The following IFT52 variants were observed in gnomAD, a reference collection of about 807,000 sequenced individuals.
IFT52 encodes intraflagellar transport protein 52 homolog.
Under a neutral mutation model 54.4 loss-of-function variants are expected in IFT52, and 44 were observed. That is an observed-to-expected ratio of 0.81 (90% CI 0.63 to 1.04). IFT52 has a LOEUF of 1.04. Ranked by LOEUF, IFT52 falls within the 50% of genes least tolerant of loss-of-function variation. The probability of loss-of-function intolerance (pLI) is 0.00; values close to 1 mark genes in which losing one functional copy is unlikely to be tolerated. For synonymous variants in IFT52, 181 were observed against 185.3 expected, an observed-to-expected ratio of 0.98 and a Z score of 0.19; for missense variants, 452 against 523.6, an observed-to-expected ratio of 0.86 and a Z score of 1.33.
At chr20:43,598,052 C>T (rs1982132585) in intron 3 of IFT52, among the ~76,000 whole-genome samples, 1 of 151,958 alleles carries the variant, frequency 6.6e-6, no homozygotes, top group African/African-American at 2.4e-5. Flanking sequence ...AAGTATCCAT[C>T]GGCAGATGAG....
chr20:43,612,802 A>AC (rs35091541), intron 6 of IFT52, among the ~76,000 whole-genome samples: 2 of 152,186 alleles, frequency 1.3e-5, no homozygotes, highest in Admixed American at 6.5e-5. Context: ...TCTATGAGGA[A>AC]CCCCTCATGG....
chr20:43,604,292 G>C (rs1047123511), intron 5 of IFT52, 34 bp downstream of exon 5: 5 of 1,492,972 alleles, frequency 3.3e-6, no homozygotes, highest in Non-Finnish European at 4.7e-6. Flanking sequence ...ATCTTGGCAA[G>C]GCATCGTCGC....
rs1212207260 is a variant in IFT52 at position 43,646,803 on chromosome 20, C to T, written c.1267-133C>T. Reference sequence around the variant, plus strand: ...ATTTGATCCTTGGGTTGGATTCAGCCCTAAAGCCAGATATTATGTATATGT... The same window carrying T: ...ATTTGATCCTTGGGTTGGATTCAGCTCTAAAGCCAGATATTATGTATATGT... On this transcript the variant is annotated intron_variant, in intron 13 of 13. Transcript: ENST00000373030. 5.1e-6 allele frequency: 4 copies of T among 789,526 alleles called. No individual in the cohort carries two copies. In the African/African-American group the frequency reaches 5.2e-5, roughly 10 times the overall value. 48.9% of individuals were successfully genotyped at this position (789,526 alleles called of 1,614,324 possible).
At chr20:43,633,693 G>A (rs1470116905) in intron 10 of IFT52, among the ~76,000 whole-genome samples, 1 of 152,116 alleles carries the variant, frequency 6.6e-6, no homozygotes, top group African/African-American at 2.4e-5. Context: ...GGGCGACAGA[G>A]TGAGACTCTG....
chr20:43,613,006 C>T (rs1983578652), intron 6 of IFT52, among the ~76,000 whole-genome samples: 1 of 152,184 alleles, frequency 6.6e-6, no homozygotes, highest in South Asian at 2.1e-4. Flanking sequence ...ATCCCACACC[C>T]TCTCCAGGAG....
At chr20:43,630,957 G>A (rs1452864942) in intron 10 of IFT52, among the ~76,000 whole-genome samples, 6 of 152,200 alleles carry the variant, frequency 3.9e-5, no homozygotes, top group African/African-American at 1.4e-4. Flanking sequence ...AGCTCTCTCT[G>A]GGGACAGAAA....
chr20:43,625,051 T>A (rs1984613154), intron 10 of IFT52, among the ~76,000 whole-genome samples: 1 of 152,102 alleles, frequency 6.6e-6, no homozygotes, highest in Non-Finnish European at 1.5e-5. Flanking sequence ...TTCAGGGACC[T>A]CAATAATGAA....
chr20:43,642,629 A>T lies in IFT52; in HGVS notation c.1266+5A>T. ...GAGTTCAAGAAATTGAACCAGGTACAGAGCCTACAAGGCACAGTGTAGTGG... is the reference window on the plus strand; with the variant it reads ...GAGTTCAAGAAATTGAACCAGGTACTGAGCCTACAAGGCACAGTGTAGTGG... On this transcript the variant is annotated splice_donor_5th_base_variant and intron_variant, in intron 13 of 13. Coordinates refer to ENST00000373030, the MANE Select transcript of IFT52 (RefSeq NM_016004.5). 6.2e-7 allele frequency: 1 copy of T among 1,613,740 alleles called. No individual in the cohort carries two copies. The highest frequency in any genetic ancestry group is 8.5e-7 in the Non-Finnish European group (1 of 1,179,754).
chr20:43,640,038 C>T (rs1361978946), intron 12 of IFT52, among the ~76,000 whole-genome samples: 1 of 151,654 alleles, frequency 6.6e-6, no homozygotes, highest in Non-Finnish European at 1.5e-5. Context: ...GTGGCTCACT[C>T]CTGTAGTACC....
intron 6 of IFT52, among the ~76,000 whole-genome samples, chr20:43,608,234 G>T (rs900640317): frequency 6.6e-6 from 1 of 152,138 alleles, no homozygotes; most frequent in African/African-American, 2.4e-5. Flanking sequence ...TGAAATTTCT[G>T]GGTCAGAGGT....
At chr20:43,619,835 A>G (rs1017229054) in intron 8 of IFT52, among the ~76,000 whole-genome samples, 3 of 152,066 alleles carry the variant, frequency 2.0e-5, no homozygotes, top group Admixed American at 6.6e-5. Context: ...GGAGATTGAT[A>G]AAGATCTTAT....
intron 6 of IFT52, among the ~76,000 whole-genome samples, chr20:43,612,754 G>T (rs7265949): frequency 0.17 from 25,642 of 152,068 alleles, 2,718 homozygotes; most frequent in East Asian, 0.3. Flanking sequence ...AAGCCAAAAA[G>T]AATTTTTGTT....
At chr20:43,605,538 C>T (rs1007912380) in intron 6 of IFT52, among the ~76,000 whole-genome samples, 1 of 151,964 alleles carries the variant, frequency 6.6e-6, no homozygotes, top group Non-Finnish European at 1.5e-5. Flanking sequence ...CAGAGCAAGA[C>T]TCCATCTCAA....
intron 10 of IFT52, among the ~76,000 whole-genome samples, chr20:43,629,845 G>T (rs1051823909): frequency 6.6e-6 from 1 of 152,164 alleles, no homozygotes; most frequent in Admixed American, 6.5e-5. Context: ...AACAACCACA[G>T]TGAGGCTGTT....
chr20:43,596,736 C>CTT (rs59960911), intron 3 of IFT52, among the ~76,000 whole-genome samples: 973 of 75,616 alleles, frequency 0.013, 18 homozygotes, highest in African/African-American at 0.032. Flanking sequence ...AGCCACACTT[C>CTT]TTTTTTTTTT....
At chr20:43,603,398 C>G (rs1192994579) in intron 3 of IFT52, among the ~76,000 whole-genome samples, 2 of 152,112 alleles carry the variant, frequency 1.3e-5, no homozygotes, top group African/African-American at 4.8e-5. Flanking sequence ...ATGTGGCAAT[C>G]TCAAGAGACA....
At chr20:43,642,458 C>A (rs753648506) in intron 12 of IFT52, 21 bp from the exon 13 acceptor site, 2 of 1,611,508 alleles carry the variant, frequency 1.2e-6, no homozygotes, top group African/African-American at 2.7e-5. Flanking sequence ...ATTAATCTAA[C>A]TACTACTCCA....
intron 12 of IFT52, among the ~76,000 whole-genome samples, chr20:43,640,404 A>G (rs759538704): frequency 1.3e-5 from 2 of 152,012 alleles, no homozygotes; most frequent in Admixed American, 6.6e-5. Context: ...AGGTTGCAGT[A>G]AGCCAAGATC....
intron 3 of IFT52, among the ~76,000 whole-genome samples, chr20:43,598,934 TG>T (rs1306749677): frequency 6.6e-6 from 1 of 152,100 alleles, no homozygotes; most frequent in Non-Finnish European, 1.5e-5. Context: ...CAAGGTCTCC[TG>T]CTGTTACTCT....
Sources: gnomAD v4.1 joint callset for allele counts (sites outside exome capture counted in the v4.1 genomes callset) on GRCh38, gnomAD v4.1.1 for gene constraint, MANE v1.5 for transcripts, NCBI Gene and HGNC (gene_info 2026-07-23, HGNC 2026-07-21) for gene names.